ZNF644: variants seen among roughly 807,000 people sequenced by gnomAD.
The protein encoded by ZNF644 is zinc finger protein 644, also known as zinc finger motif enhancer binding protein 2.
A neutral mutation model predicts 108.0 loss-of-function variants in ZNF644; 20 were observed. The ratio of observed to expected loss-of-function variants is 0.19; its 90% confidence interval spans 0.13 to 0.27. The LOEUF (loss-of-function observed/expected upper bound fraction) is 0.27. Among genes scored for constraint, ZNF644 ranks in the 10% least tolerant of loss-of-function variants. The pLI is 1.00. For missense variants in ZNF644, 1,338 were observed against 1,548.9 expected, an observed-to-expected ratio of 0.86 and a Z score of 2.29; for synonymous variants, 542 against 539.1, an observed-to-expected ratio of 1.01 and a Z score of -0.08.
chr1:90,939,098 T>C lies in ZNF644; in HGVS notation c.2256A>G (p.Lys752=). 6.2e-7 allele frequency: 1 copy of C among 1,613,984 alleles called. No homozygotes were observed. Reference sequence around the variant, plus strand: ...AATGCACAGGATATGATTCACCTGATTTTTTGATCATCCTATAGTTTTCAT... The same window carrying C: ...AATGCACAGGATATGATTCACCTGACTTTTTGATCATCCTATAGTTTTCAT... ...HKYENYRMIK[K]SGESYPVHFK... is the part of the protein sequence containing the mutation. Residue 752 remains lysine, a synonymous_variant, in exon 3 of 6, where the codon AAA becomes AAG. Coordinates refer to ENST00000337393, the MANE Select transcript of ZNF644 (RefSeq NM_201269.3).
At chr1:90,917,943 T>C in intron 5 of ZNF644, 109 bp downstream of exon 5, 3 of 874,964 alleles carry the variant, frequency 3.4e-6, no homozygotes, top group Non-Finnish European at 5.7e-6. Flanking sequence ...TATAACTTGA[T>C]TGTTGAGAAT....
intron 2 of ZNF644, among the ~76,000 whole-genome samples, chr1:90,959,303 A>G (rs1654084118): frequency 6.6e-6 from 1 of 152,186 alleles, no homozygotes; most frequent in Admixed American, 6.5e-5. Context: ...ACCCTCATAC[A>G]CTGCTGGTGG....
chr1:90,934,508 G>C (rs1372575609), intron 4 of ZNF644, among the ~76,000 whole-genome samples: 1 of 152,134 alleles, frequency 6.6e-6, no homozygotes, highest in African/African-American at 2.4e-5. Flanking sequence ...AATGAGATTT[G>C]CTGAAGCAGG....
chr1:90,982,620 CT>C (rs201283582), intron 1 of ZNF644, among the ~76,000 whole-genome samples: 4 of 151,878 alleles, frequency 2.6e-5, no homozygotes, highest in East Asian at 1.9e-4. Flanking sequence ...GAAACTAATT[CT>C]TTTTTTTAAA....
At chr1:90,984,374 C>T (rs998776572) in intron 1 of ZNF644, among the ~76,000 whole-genome samples, 1 of 151,864 alleles carries the variant, frequency 6.6e-6, no homozygotes, top group African/African-American at 2.4e-5. Context: ...AGAGCGAGAG[C>T]CTTTCAGGAA....
chr1:90,976,380 T>C (rs1343095087), intron 2 of ZNF644, among the ~76,000 whole-genome samples: 6 of 152,164 alleles, frequency 3.9e-5, no homozygotes, highest in African/African-American at 1.4e-4. Flanking sequence ...CCCTAACATA[T>C]AGCACAGTGC....
chr1:90,998,497 A>G (rs552596041), intron 1 of ZNF644, among the ~76,000 whole-genome samples: 2 of 152,336 alleles, frequency 1.3e-5, no homozygotes, highest in East Asian at 3.9e-4. Context: ...TCACTGTTAG[A>G]AGGAAAACTA....
rs1202533268 is a variant in ZNF644, at chr1:90,915,878, T to G, written c.*920A>C. On this transcript the variant is annotated 3_prime_UTR_variant, in exon 6 of 6. Transcript: ENST00000337393. ...TCTAAACTGTGTAGTGAGCATTGTT[T>G]ATTAATTACATTTCTACAATGTTAA... 1 of 152,628 alleles carries G rather than the reference T, an allele frequency of 6.6e-6. No individual in the cohort carries two copies. The highest frequency in any genetic ancestry group is 1.5e-5 in the Non-Finnish European group (1 of 68,002). The allele number at this position is 152,628 out of a possible 1,614,324, so 9.5% of individuals were successfully genotyped here.
chr1:90,928,325 T>C (rs1650301703), intron 4 of ZNF644, among the ~76,000 whole-genome samples: 1 of 150,098 alleles, frequency 6.7e-6, no homozygotes, highest in South Asian at 2.2e-4. Flanking sequence ...GCTGATTTTT[T>C]TTTTTTTTTT....
chr1:90,995,086 T>C (rs1231983021), intron 1 of ZNF644, among the ~76,000 whole-genome samples: 1 of 151,868 alleles, frequency 6.6e-6, no homozygotes, highest in Non-Finnish European at 1.5e-5. Flanking sequence ...TGACCCAGAC[T>C]CAGGAAAAAA....
intron 1 of ZNF644, among the ~76,000 whole-genome samples, chr1:91,013,651 G>A (rs1660176975): frequency 6.6e-6 from 1 of 151,986 alleles, no homozygotes; most frequent in African/African-American, 2.4e-5. Context: ...TTACGGTTCA[G>A]TTCAATTTCT....
At chr1:90,980,519 TA>T (rs1656441826) in intron 2 of ZNF644, among the ~76,000 whole-genome samples, 1 of 152,018 alleles carries the variant, frequency 6.6e-6, no homozygotes, top group African/African-American at 2.4e-5. Flanking sequence ...GAAAAGAGTA[TA>T]AAAAAGTTAG....
intron 2 of ZNF644, among the ~76,000 whole-genome samples, chr1:90,957,574 AAC>A (rs1208880645): frequency 6.6e-6 from 1 of 152,230 alleles, no homozygotes; most frequent in African/African-American, 2.4e-5. Flanking sequence ...GACAAAATTC[AAC>A]ACTGTTTCAT....
In ZNF644 at chr1:90,932,593, G is replaced by C. The variant is rs148912502; in HGVS notation, c.3688+4892C>G. Among the ~76,000 whole-genome samples the C allele has an allele frequency of 3.7e-3, 569 of 152,134 alleles. 13 individuals are homozygous for C. The highest frequency in any genetic ancestry group is 0.017 in the Middle Eastern group (5 of 294). ...ACCTTCTAGGGCCATAGGTTTTTAG[G>C]AACACTGCTTTATAACAGTGATATT... On this transcript the variant is annotated intron_variant, in intron 4 of 5. Transcript: ENST00000337393.
At chr1:90,969,873 T>G (rs1188474778) in intron 2 of ZNF644, among the ~76,000 whole-genome samples, 2 of 152,180 alleles carry the variant, frequency 1.3e-5, no homozygotes, top group Non-Finnish European at 2.9e-5. Flanking sequence ...ACGGATTAGG[T>G]AGGTCTACTG....
chr1:90,920,575 G>C (rs910799992), intron 4 of ZNF644, among the ~76,000 whole-genome samples: 12 of 151,924 alleles, frequency 7.9e-5, no homozygotes, highest in Admixed American at 6.5e-4. Context: ...GGCTTTTGAT[G>C]CTTTATGGAC....
chr1:90,954,537 T>C (rs1438978417), intron 2 of ZNF644, among the ~76,000 whole-genome samples: 1 of 151,962 alleles, frequency 6.6e-6, no homozygotes, highest in Admixed American at 6.6e-5. Flanking sequence ...CTCCTGAGTA[T>C]CTGGGATTAC....
chr1:90,971,349 C>A, intron 2 of ZNF644, among the ~76,000 whole-genome samples: 1 of 148,758 alleles, frequency 6.7e-6, no homozygotes, highest in African/African-American at 2.5e-5. Flanking sequence ...TGTTAATAAA[C>A]AGATCCAACA....
Position 90,944,566 on chromosome 1 carries a change from G to GTT in ZNF644, c.45-3258_45-3257insAA, listed in dbSNP as rs1336971836. The stretch of plus-strand genomic sequence containing the variant: ...AAGATGTTACCTTCTGCATCAGTTT[G>GTT]AAAATATGTTACAAAAGTTGACTTA... On this transcript the variant is annotated intron_variant, in intron 2 of 5. Transcript: ENST00000337393. 8.0e-3 allele frequency among the ~76,000 whole-genome samples: 1,217 copies of GTT among 152,126 alleles called. 14 individuals are homozygous for GTT. Among genetic ancestry groups the GTT allele is most frequent in the African/African-American group, 0.028 (1,162 of 41,482 alleles).
Sources: allele counts gnomAD v4.1 joint callset (sites outside exome capture counted in the v4.1 genomes callset), GRCh38; gene constraint gnomAD v4.1.1; transcripts MANE v1.5; gene names NCBI Gene and HGNC (gene_info 2026-07-23, HGNC 2026-07-21).